The following PTPA variants were observed in gnomAD, a reference collection of about 807,000 sequenced individuals.
PTPA encodes serine/threonine-protein phosphatase 2A activator.
Under a neutral mutation model 43.6 loss-of-function variants are expected in PTPA, and 13 were observed. The ratio of observed to expected loss-of-function variants is 0.30; its 90% CI spans 0.19 to 0.47. The LOEUF (loss-of-function observed/expected upper bound fraction) is 0.47, where lower values mean the gene tolerates loss of function less well. Ranked by LOEUF, PTPA falls within the 20% of genes least tolerant of loss-of-function variation. The probability of loss-of-function intolerance (pLI) is 0.99; values close to 1 mark genes in which losing one functional copy is unlikely to be tolerated. For synonymous variants in PTPA, 172 were observed against 158.2 expected (o/e 1.09, Z -0.66); for missense variants, 329 against 411.9 (o/e 0.80, Z 1.74).
rs144313939 is a variant in PTPA, at chr9:129,115,912, C to T, written c.31+4281C>T. On this transcript the variant is annotated intron_variant, in intron 1 of 9. Transcript: ENST00000393370. ...CCAGCCTCCGTCTCCCAAAGTGCTG[C>T]GATTACAGGCCTGAGCCACCGCGCC... 4.6e-5 allele frequency among the ~76,000 whole-genome samples: 7 copies of T among 151,768 alleles called. No individual in the cohort carries two copies. The East Asian group carries it at 1.2e-3, about 25-fold the overall frequency.
intron 8 of PTPA, chr9:129,142,200 A>G (rs1273343109): frequency 4.9e-6 from 2 of 411,140 alleles, no homozygotes; most frequent in Non-Finnish European, 8.6e-6. Flanking sequence ...GGAATGTTAT[A>G]TTTTCCTAGC....
chr9:129,136,350 T>C (rs1850366607), intron 6 of PTPA, 121 bp from the exon 7 acceptor site: 2 of 1,102,452 alleles, frequency 1.8e-6, no homozygotes, highest in Non-Finnish European at 1.2e-6. Flanking sequence ...ATTATTGAAA[T>C]TGAGACCAGT....
intron 9 of PTPA, among the ~76,000 whole-genome samples, chr9:129,144,991 C>A (rs376143624): frequency 8.0e-4 from 122 of 152,214 alleles, no homozygotes; most frequent in Non-Finnish European, 1.4e-3. Flanking sequence ...TGAGATCACA[C>A]CACTGCACTC....
In PTPA at chr9:129,120,550, C is replaced by A; in HGVS notation, c.69C>A (p.Phe23Leu). 1 of 1,603,792 alleles carries A rather than the reference C, an allele frequency of 6.2e-7. No homozygotes were observed. Among genetic ancestry groups the A allele is most frequent in the South Asian group, 1.1e-5 (1 of 89,992 alleles). Residue 23 changes from phenylalanine to leucine, a missense_variant, in exon 2 of 10, where the codon TTC becomes TTA. By Grantham distance (22) the Phe-to-Leu change is conservative (BLOSUM62 0). Transcript: ENST00000393370. The part of the protein sequence containing the change: ...SEEAPPATQN[F>L]IIPKKEIHTV... The stretch of plus-strand genomic sequence containing the variant: ...AGGCCCCTCCAGCCACTCAGAACTT[C>A]ATCATTCCAAAAAAGGAGATCCACA...
At chr9:129,112,713 G>A (rs1226387482) in intron 1 of PTPA, among the ~76,000 whole-genome samples, 1 of 152,086 alleles carries the variant, frequency 6.6e-6, no homozygotes, top group Non-Finnish European at 1.5e-5. Flanking sequence ...AGGCCGAGGC[G>A]GGCTGATCAC....
intron 9 of PTPA, chr9:129,143,324 G>A (rs1851034820): frequency 1.4e-6 from 1 of 703,096 alleles, no homozygotes; most frequent in Admixed American, 2.0e-5. Flanking sequence ...TGGATGTGAA[G>A]TTCCACACCT....
chr9:129,111,022 A>C (rs769220422), upstream of PTPA: 4 of 1,369,726 alleles, frequency 2.9e-6, no homozygotes, highest in African/African-American at 5.9e-5. Context: ...ATGTCTTCTA[A>C]GCTGTTGGAG....
At chr9:129,111,861 G>T (rs1848522256) in intron 1 of PTPA, 1 of 1,129,898 alleles carries the variant, frequency 8.9e-7, no homozygotes, top group African/African-American at 1.6e-5. Flanking sequence ...GCGCAACTCT[G>T]GGTTTTGTGG....
At chr9:129,143,043 G>A (rs1481240727) in intron 9 of PTPA, 8 of 840,508 alleles carry the variant, frequency 9.5e-6, no homozygotes, top group South Asian at 1.9e-5. Context: ...TTTATGGACC[G>A]CTTCAGGGAT....
chr9:129,111,442 G>C lies in PTPA; in HGVS notation c.-159G>C. On this transcript the variant is annotated 5_prime_UTR_variant, in exon 1 of 10. Coordinates refer to ENST00000393370, the MANE Select transcript of PTPA (RefSeq NM_178000.3). ...CGACATGGCGGCCGTCTTCGCTGTG[G>C]TGACTTTAACTCTCGGTTTTCGGTT... 8.0e-7 allele frequency: 1 copy of C among 1,253,370 alleles called. No individual in the cohort carries two copies. Among genetic ancestry groups the C allele is most frequent in the Non-Finnish European group, 1.0e-6 (1 of 991,252 alleles). The allele number at this position is 1,253,370 out of a possible 1,614,324, so 77.6% of individuals were successfully genotyped here.
At chr9:129,144,637 G>T (rs1255151094) in intron 9 of PTPA, among the ~76,000 whole-genome samples, 2 of 151,722 alleles carry the variant, frequency 1.3e-5, no homozygotes, top group Non-Finnish European at 2.9e-5. Context: ...TACTCGGGAG[G>T]CAGAGGCAGG....
intron 9 of PTPA, chr9:129,143,785 C>A: frequency 1.8e-5 from 4 of 223,094 alleles, no homozygotes; most frequent in Non-Finnish European, 2.8e-5. Context: ...CCGGCTGCAG[C>A]TGGCCACCCC....
intron 1 of PTPA, among the ~76,000 whole-genome samples, chr9:129,114,868 C>T (rs542293653): frequency 9.9e-5 from 15 of 152,278 alleles, no homozygotes; most frequent in Admixed American, 7.9e-4. Flanking sequence ...GTTCTGGCAA[C>T]TTGTGTGTGT....
At chr9:129,143,827 C>T (rs990440373) in intron 9 of PTPA, among the ~76,000 whole-genome samples, 1 of 152,096 alleles carries the variant, frequency 6.6e-6, no homozygotes, top group African/African-American at 2.4e-5. Flanking sequence ...CCCTGGGTCA[C>T]TGCCCTCTGG....
chr9:129,117,173 A>G (rs1053808175), intron 1 of PTPA, among the ~76,000 whole-genome samples: 2 of 151,046 alleles, frequency 1.3e-5, no homozygotes, highest in African/African-American at 4.9e-5. Context: ...TCAGCCCCCG[A>G]ATAGCTAGGA....
chr9:129,136,423 T>G, intron 6 of PTPA, 48 bp from the exon 7 acceptor site: 1 of 1,570,646 alleles, frequency 6.4e-7, no homozygotes, highest in Non-Finnish European at 8.7e-7. Context: ...AGGGTGAGAC[T>G]GTCTTTTTAC....
rs1564196651 is a variant in PTPA at position 129,136,465 on chromosome 9, G to GT, written c.561-5dup. ...CTACCTTCCCTTTCCCTGTCCTCCT[G>GT]TGCAGGTACCTTGAGGTTATGCGGA... On this transcript the variant is annotated splice_polypyrimidine_tract_variant and splice_region_variant and intron_variant, in intron 6 of 9. Transcript: ENST00000393370. 1 of 1,611,630 alleles carries GT rather than the reference G, an allele frequency of 6.2e-7. No homozygotes were observed. Among genetic ancestry groups the GT allele is most frequent in the Admixed American group, 1.7e-5 (1 of 59,690 alleles).
In PTPA at chr9:129,128,965, C is replaced by G. The variant is rs1024610385; in HGVS notation, c.217-20C>G. On this transcript the variant is annotated intron_variant, in intron 3 of 9. Transcript: ENST00000393370. Reference sequence around the variant, plus strand: ...AGCCACTTGCTCTGTAGCTTGGACCCCTCTATTTTGCCTCCACAGGCCATT... The same window carrying G: ...AGCCACTTGCTCTGTAGCTTGGACCGCTCTATTTTGCCTCCACAGGCCATT... 13 of 1,612,632 alleles carry G rather than the reference C, an allele frequency of 8.1e-6. No individual in the cohort carries two copies. Among genetic ancestry groups the G allele is most frequent in the Non-Finnish European group, 1.1e-5 (13 of 1,179,708 alleles).
chr9:129,141,198 A>G (rs17508951), intron 8 of PTPA, among the ~76,000 whole-genome samples: 15,539 of 152,084 alleles, frequency 0.1, 2,595 homozygotes, highest in African/African-American at 0.35. Flanking sequence ...TGCCCTTACT[A>G]GAGAAGTAAG....
Sources: gnomAD v4.1 joint callset for allele counts (sites outside exome capture counted in the v4.1 genomes callset) on GRCh38, gnomAD v4.1.1 for gene constraint, MANE v1.5 for transcripts, NCBI Gene and HGNC (gene_info 2026-07-23, HGNC 2026-07-21) for gene names.